GGA2: variants seen among roughly 807,000 people sequenced by gnomAD.
GGA2 encodes ADP-ribosylation factor-binding protein GGA2.
A neutral mutation model predicts 79.5 loss-of-function variants in GGA2; 48 were observed. That is an observed-to-expected ratio of 0.60 (90% CI 0.48 to 0.77). The LOEUF (loss-of-function observed/expected upper bound fraction) is 0.77, where lower values mean the gene tolerates loss of function less well. Among genes scored for constraint, GGA2 ranks in the 30% least tolerant of loss-of-function variants. The probability of loss-of-function intolerance (pLI) is 0.00; values close to 1 mark genes in which losing one functional copy is unlikely to be tolerated. For missense variants in GGA2, 770 were observed against 774.0 expected (o/e 0.99, Z 0.06); for synonymous variants, 317 against 302.0 (o/e 1.05, Z -0.51).
chr16:23,486,015 C>G lies in GGA2; in HGVS notation c.798G>C (p.Gln266His). The G allele has an allele frequency of 6.2e-7, 1 of 1,613,806 alleles. No individual in the cohort carries two copies. Among genetic ancestry groups the G allele is most frequent in the South Asian group, 1.1e-5 (1 of 91,046 alleles). The change falls in exon 8 of 17, where the codon CAG becomes CAC. Residue 266 changes from glutamine to histidine, a missense_variant and splice_region_variant. Gln to His is a conservative substitution (Grantham distance 24, BLOSUM62 0). Transcript: ENST00000309859. ...GCCCCCTGTGTTACACCTGTATTAC[C>G]TGCAGGGCCTCCTGGTCGGGCGGGG... ...GQAPPDQEAL[Q>H]VVYERCEKLR...
At chr16:23,491,493 T>C (rs928490912) in intron 5 of GGA2, among the ~76,000 whole-genome samples, 184 bp downstream of exon 5, 7 of 146,922 alleles carry the variant, frequency 4.8e-5, no homozygotes, top group African/African-American at 1.8e-4. Flanking sequence ...GTTTGCACTA[T>C]GGCTTTTAAA....
At chr16:23,482,417 A>C (rs1177270217) in intron 9 of GGA2, among the ~76,000 whole-genome samples, 2 of 152,342 alleles carry the variant, frequency 1.3e-5, no homozygotes, top group East Asian at 1.9e-4. Context: ...TATAGGTTTT[A>C]CTATTCCCCT....
rs986470217 is a variant in GGA2 at position 23,479,992 on chromosome 16, C to T, written c.1007-105G>A. ...AGACCACCTCCTAATCAAATGGTAA[C>T]GCCCTCCCTGCCCTTCCAAGAACCT... On this transcript the variant is annotated intron_variant, in intron 10 of 16. Coordinates refer to ENST00000309859, the MANE Select transcript of GGA2 (RefSeq NM_015044.4). 49 of 1,030,792 alleles carry T rather than the reference C, an allele frequency of 4.8e-5. No individual in the cohort carries two copies. In the South Asian group the frequency reaches 6.1e-4, roughly 13 times the overall value. 63.9% of individuals were successfully genotyped at this position (1,030,792 alleles called of 1,614,324 possible).
Position 23,486,707 on chromosome 16 carries a change from C to T in GGA2, c.660+3G>A. Reference sequence around the variant, plus strand: ...CTACTGAACCAACTGGAAGAATGCCCACCTCCTTGACCAAATTCTTGATTA... The same window carrying T: ...CTACTGAACCAACTGGAAGAATGCCTACCTCCTTGACCAAATTCTTGATTA... On this transcript the variant is annotated splice_donor_region_variant and intron_variant, in intron 7 of 16. Transcript: ENST00000309859. 1 of 1,572,890 alleles carries T rather than the reference C, an allele frequency of 6.4e-7. No individual in the cohort carries two copies. The highest frequency in any genetic ancestry group is 1.1e-5 in the South Asian group (1 of 90,238).
At chr16:23,484,390 C>T (rs1379045235) in intron 8 of GGA2, among the ~76,000 whole-genome samples, 1 of 152,126 alleles carries the variant, frequency 6.6e-6, no homozygotes, top group African/African-American at 2.4e-5. Flanking sequence ...TGCACTCCAG[C>T]CTGGGCGACA....
At chr16:23,491,867 A>AG (rs1427373478) in intron 4 of GGA2, 67 bp from the exon 5 acceptor site, 1 of 1,129,784 alleles carries the variant, frequency 8.9e-7, no homozygotes, top group East Asian at 2.4e-5. Flanking sequence ...CTTTAACTAA[A>AG]GAGGTAGCTG....
At chr16:23,496,409 G>C (rs1567367641) in intron 1 of GGA2, among the ~76,000 whole-genome samples, 2 of 152,060 alleles carry the variant, frequency 1.3e-5, no homozygotes, top group East Asian at 3.9e-4. Flanking sequence ...CACTCGAGTT[G>C]GGATGCCCCC....
chr16:23,510,467 C>A lies in GGA2; in HGVS notation c.-56G>T, dbSNP rs551829604. 3.2e-5 allele frequency: 20 copies of A among 627,884 alleles called. No homozygotes were observed. 38.9% of individuals were successfully genotyped at this position (627,884 alleles called of 1,614,324 possible). A position where few individuals can be genotyped will look rare whatever the true frequency, so the allele number is the denominator to read the frequency against. On this transcript the variant is annotated 5_prime_UTR_variant, in exon 1 of 17. Transcript: ENST00000309859. ...GCCACTGCCTCTTCAGCCGCTGTAG[C>A]GTCCTGGCGCTCTCCTCTGCTGACT...
chr16:23,467,414 A>ACACACACACACACACACG lies in GGA2; in HGVS notation c.*175_*176insCGTGTGTGTGTGTGTGTG. The stretch of plus-strand genomic sequence containing the variant: ...CACACACACACACACACACACACAC[A>ACACACACACACACACACG]CACACACACACACACACACAGAGCA... On this transcript the variant is annotated 3_prime_UTR_variant, in exon 17 of 17. Coordinates refer to ENST00000309859, the MANE Select transcript of GGA2 (RefSeq NM_015044.4). The ACACACACACACACACACG allele has an allele frequency of 1.0e-5, 6 of 598,242 alleles. No individual in the cohort carries two copies. The South Asian group carries it at 1.1e-4, about 11-fold the overall frequency. 37.1% of individuals were successfully genotyped at this position (598,242 alleles called of 1,614,324 possible). A position where few individuals can be genotyped will look rare whatever the true frequency, so the allele number is the denominator to read the frequency against.
intron 1 of GGA2, among the ~76,000 whole-genome samples, chr16:23,498,522 C>G (rs1302713219): frequency 6.6e-6 from 1 of 152,026 alleles, no homozygotes; most frequent in Admixed American, 6.5e-5. Flanking sequence ...GAACCCAGGA[C>G]TTCGTGACAA....
At chr16:23,505,133 G>A (rs190910987) in intron 1 of GGA2, among the ~76,000 whole-genome samples, 44 of 152,310 alleles carry the variant, frequency 2.9e-4, no homozygotes, top group Middle Eastern at 3.4e-3. Flanking sequence ...GGAGGGACAC[G>A]TGGACCCCAA....
chr16:23,464,030 T>A lies in GGA2; in HGVS notation c.*3560A>T, dbSNP rs1249876508. On this transcript the variant is annotated 3_prime_UTR_variant, in exon 17 of 17. Transcript: ENST00000309859. ...GGGTAAGCATCTTCTATAATGGGTA[T>A]ATTTAAAGGATTTGGGATTAATATT... 1 of 152,190 alleles carries A rather than the reference T, an allele frequency of 6.6e-6. No homozygotes were observed. The highest frequency in any genetic ancestry group is 1.5e-5 in the Non-Finnish European group (1 of 68,032). The allele number at this position is 152,190 out of a possible 1,614,324, so 9.4% of individuals were successfully genotyped here.
chr16:23,493,221 G>A, intron 4 of GGA2, 139 bp downstream of exon 4: 1 of 639,460 alleles, frequency 1.6e-6, no homozygotes, highest in Non-Finnish European at 2.9e-6. Context: ...CCTAGAGCTT[G>A]GAGAGGAGAG....
At position 23,467,359 on chromosome 16, in the gene GGA2, C is replaced by CA; in HGVS notation, c.*230dup. ...CGCATTTCCCACACTGCCGATATCC[C>CA]AAGCCCTGTGCTACCACCCTCTCCC... On this transcript the variant is annotated 3_prime_UTR_variant, in exon 17 of 17. Transcript: ENST00000309859. 2.0e-6 allele frequency: 1 copy of CA among 496,776 alleles called. No homozygotes were observed. Among genetic ancestry groups the CA allele is most frequent in the Non-Finnish European group, 3.6e-6 (1 of 277,812 alleles). The allele number at this position is 496,776 out of a possible 1,614,324, so 30.8% of individuals were successfully genotyped here. A position where few individuals can be genotyped will look rare whatever the true frequency, so the allele number is the denominator to read the frequency against.
At chr16:23,499,238 G>A (rs901437046) in intron 1 of GGA2, among the ~76,000 whole-genome samples, 6 of 149,576 alleles carry the variant, frequency 4.0e-5, no homozygotes, top group African/African-American at 1.5e-4. Context: ...TCCGCCTCCC[G>A]GGTTCAAGCG....
At position 23,521,424 on chromosome 16, in the gene GGA2, G is replaced by A. The variant is rs1263520911; in HGVS notation, c.8+369C>T. On this transcript the variant is annotated intron_variant, in intron 1 of 5. Transcript: ENST00000569300. ...ATTCATTTTTTTTTTTTTAGACACA[G>A]GATCTTGCTCTGTTGCCCAGGTTAG... 2.0e-5 allele frequency among the ~76,000 whole-genome samples: 3 copies of A among 151,046 alleles called. No individual in the cohort carries two copies. The East Asian group carries it at 5.8e-4, about 29-fold the overall frequency.
At chr16:23,519,979 G>A (rs1258478556) in intron 1 of GGA2, among the ~76,000 whole-genome samples, 2 of 152,224 alleles carry the variant, frequency 1.3e-5, no homozygotes, top group African/African-American at 2.4e-5. Context: ...AGGCGTGGTG[G>A]CTCATGCCTG....
intron 5 of GGA2, among the ~76,000 whole-genome samples, chr16:23,489,543 A>G (rs1964756783): frequency 6.6e-6 from 1 of 152,234 alleles, no homozygotes; most frequent in Non-Finnish European, 1.5e-5. Context: ...CCCAGCCTAC[A>G]GCTTCCCTGA....
At position 23,479,751 on chromosome 16, in the gene GGA2, G is replaced by A. The variant is rs749356441; in HGVS notation, c.1129+14C>T. ...CCCATCCTGTGCCTGCTCCCCACAAGCACCTGCCCTCACCCAAGGCTGCCA... is the reference window on the plus strand; with the variant it reads ...CCCATCCTGTGCCTGCTCCCCACAAACACCTGCCCTCACCCAAGGCTGCCA... On this transcript the variant is annotated intron_variant, in intron 11 of 16. Transcript: ENST00000309859. 9 of 1,613,358 alleles carry A rather than the reference G, an allele frequency of 5.6e-6. No homozygotes were observed. The African/African-American group carries it at 1.2e-4, about 22-fold the overall frequency.
Sources: gnomAD v4.1 joint callset for allele counts (sites outside exome capture counted in the v4.1 genomes callset) on GRCh38, gnomAD v4.1.1 for gene constraint, MANE v1.5 for transcripts, NCBI Gene and HGNC (gene_info 2026-07-23, HGNC 2026-07-21) for gene names.